The following ARHGAP42 variants were observed in gnomAD, a reference collection of about 807,000 sequenced individuals.
ARHGAP42 encodes Rho GTPase activating protein 42, also known as rho GTPase-activating protein 42.
ARHGAP42 carries 63 observed loss-of-function variants against 125.0 expected under a neutral mutation model. That is an observed-to-expected ratio of 0.50 (90% CI 0.41 to 0.62). ARHGAP42 has a LOEUF of 0.62. Among genes scored for constraint, ARHGAP42 ranks in the 20% least tolerant of loss-of-function variants. The pLI, the probability that ARHGAP42 is intolerant of heterozygous loss-of-function variation, is 0.00. For synonymous variants in ARHGAP42, 339 were observed against 351.0 expected, an observed-to-expected ratio of 0.97 and a Z score of 0.38; for missense variants, 766 against 1,024.2, an observed-to-expected ratio of 0.75 and a Z score of 3.44.
chr11:100,738,147 C>T (rs981772531), intron 1 of ARHGAP42, among the ~76,000 whole-genome samples: 17 of 152,084 alleles, frequency 1.1e-4, no homozygotes, highest in Non-Finnish European at 1.8e-4. Context: ...AAGAAAATAT[C>T]GTAGAAATAC....
In ARHGAP42 at chr11:100,992,489, AC is replaced by A; in HGVS notation, c.*3689del. Reference sequence around the variant, plus strand: ...TTTTTTGTTACCTTCCAAAATCAAGACACTTTTAAGAAACAAAGATAGTTTT... The same window carrying A: ...TTTTTTGTTACCTTCCAAAATCAAGAACTTTTAAGAAACAAAGATAGTTTT... On this transcript the variant is annotated 3_prime_UTR_variant, in exon 24 of 24. Transcript: ENST00000298815. The A allele has an allele frequency of 6.2e-7, 1 of 1,614,110 alleles. No individual in the cohort carries two copies. Among genetic ancestry groups the A allele is most frequent in the South Asian group, 1.1e-5 (1 of 91,074 alleles).
rs1209888089 is a variant in ARHGAP42 at position 100,992,742 on chromosome 11, T to A, written c.*3941T>A. ...CAAATCAATAAATTGGATTTTTTAT[T>A]TTTTGAGGGCAGCTGCCCTCACTGT... On this transcript the variant is annotated 3_prime_UTR_variant, in exon 24 of 24. Transcript: ENST00000298815. 2 of 1,521,034 alleles carry A rather than the reference T, an allele frequency of 1.3e-6. No individual in the cohort carries two copies. Among genetic ancestry groups the A allele is most frequent in the East Asian group, 4.5e-5 (2 of 44,166 alleles). 94.2% of individuals were successfully genotyped at this position (1,521,034 alleles called of 1,614,324 possible).
At chr11:100,822,873 T>C (rs1864435413) in intron 3 of ARHGAP42, among the ~76,000 whole-genome samples, 1 of 152,230 alleles carries the variant, frequency 6.6e-6, no homozygotes, top group Admixed American at 6.5e-5. Flanking sequence ...TATTTATCCA[T>C]ATATAGCAGC....
At chr11:100,917,029 G>C (rs1230566) in intron 5 of ARHGAP42, among the ~76,000 whole-genome samples, 30,433 of 150,838 alleles carry the variant, frequency 0.2, 4,849 homozygotes, top group African/African-American at 0.45. Flanking sequence ...GTGTGTGTGT[G>C]TGTGTGTGTG....
At chr11:100,967,833 C>T (rs967296917) in intron 17 of ARHGAP42, among the ~76,000 whole-genome samples, 1 of 152,142 alleles carries the variant, frequency 6.6e-6, no homozygotes, top group Non-Finnish European at 1.5e-5. Context: ...CCTGCCTCAG[C>T]CTCCTGAGTA....
chr11:100,810,510 A>G (rs751175047), intron 3 of ARHGAP42, among the ~76,000 whole-genome samples: 21 of 152,212 alleles, frequency 1.4e-4, no homozygotes, highest in Non-Finnish European at 2.6e-4. Context: ...ACATATTTTC[A>G]ACAGCAGATA....
At chr11:100,821,504 C>G (rs1236443786) in intron 3 of ARHGAP42, among the ~76,000 whole-genome samples, 3 of 151,780 alleles carry the variant, frequency 2.0e-5, no homozygotes, top group Non-Finnish European at 4.4e-5. Context: ...AAGAATCATC[C>G]CATTGTTCTA....
intron 4 of ARHGAP42, among the ~76,000 whole-genome samples, chr11:100,905,241 G>A (rs2135218497): frequency 6.6e-6 from 1 of 152,318 alleles, no homozygotes; most frequent in East Asian, 1.9e-4. Context: ...TTAGAAAAGT[G>A]GAGACAAATG....
At chr11:100,924,347 C>T (rs778197043) in intron 6 of ARHGAP42, among the ~76,000 whole-genome samples, 1 of 152,060 alleles carries the variant, frequency 6.6e-6, no homozygotes, top group Non-Finnish European at 1.5e-5. Context: ...CATAAAACTT[C>T]TATACAGTAT....
intron 1 of ARHGAP42, among the ~76,000 whole-genome samples, chr11:100,740,158 A>C (rs1217722530): frequency 6.6e-6 from 1 of 151,440 alleles, no homozygotes. Context: ...TCCTGTTGAC[A>C]GTGAAGTCTA....
At chr11:100,705,354 G>A (rs890574807) in intron 1 of ARHGAP42, among the ~76,000 whole-genome samples, 1 of 152,234 alleles carries the variant, frequency 6.6e-6, no homozygotes, top group East Asian at 1.9e-4. Flanking sequence ...ATAGTAGAAA[G>A]AGAGTGAGCT....
At chr11:100,715,365 G>C (rs1250278129) in intron 1 of ARHGAP42, among the ~76,000 whole-genome samples, 1 of 152,020 alleles carries the variant, frequency 6.6e-6, no homozygotes, top group Non-Finnish European at 1.5e-5. Flanking sequence ...AGTGAATCTA[G>C]TATCCCCTGG....
chr11:100,724,681 G>T (rs1202905066), intron 1 of ARHGAP42, among the ~76,000 whole-genome samples: 1 of 115,486 alleles, frequency 8.7e-6, no homozygotes, highest in East Asian at 2.4e-4. Flanking sequence ...CCGATATTTG[G>T]GTCTTTACTA....
At chr11:100,917,273 A>G (rs541989914) in intron 5 of ARHGAP42, among the ~76,000 whole-genome samples, 1 of 152,302 alleles carries the variant, frequency 6.6e-6, no homozygotes, top group African/African-American at 2.4e-5. Context: ...GGCACTTCCT[A>G]AATGAAGTAA....
intron 2 of ARHGAP42, among the ~76,000 whole-genome samples, chr11:100,778,115 T>G (rs1231564585): frequency 2.0e-5 from 3 of 152,020 alleles, no homozygotes; most frequent in Non-Finnish European, 4.4e-5. Context: ...TGAGGTTACA[T>G]TAAACTATGA....
At chr11:100,746,850 G>A (rs1034549030) in intron 1 of ARHGAP42, among the ~76,000 whole-genome samples, 7 of 152,210 alleles carry the variant, frequency 4.6e-5, no homozygotes, top group African/African-American at 1.7e-4. Flanking sequence ...AAGAGAGGTA[G>A]ACTAAGCTTT....
intron 1 of ARHGAP42, among the ~76,000 whole-genome samples, chr11:100,695,360 A>G (rs1015745951): frequency 1.3e-5 from 2 of 152,140 alleles, no homozygotes; most frequent in African/African-American, 4.8e-5. Flanking sequence ...TTGGAATGCA[A>G]TCGCACGATC....
intron 17 of ARHGAP42, among the ~76,000 whole-genome samples, chr11:100,970,624 A>G (rs933508599): frequency 1.3e-5 from 2 of 151,858 alleles, no homozygotes; most frequent in African/African-American, 4.8e-5. Context: ...TTATGATGCT[A>G]AAAAGGCTCT....
intron 1 of ARHGAP42, among the ~76,000 whole-genome samples, chr11:100,734,829 C>T (rs1165008814): frequency 2.0e-5 from 3 of 152,158 alleles, no homozygotes; most frequent in Non-Finnish European, 4.4e-5. Flanking sequence ...TTAATCTTTT[C>T]AGGTTTCTGA....
Sources: gnomAD v4.1 joint callset for allele counts (sites outside exome capture counted in the v4.1 genomes callset) on GRCh38, gnomAD v4.1.1 for gene constraint, MANE v1.5 for transcripts, NCBI Gene and HGNC (gene_info 2026-07-23, HGNC 2026-07-21) for gene names.